The following BET1 variants were observed in gnomAD, a reference collection of about 807,000 sequenced individuals.
The protein encoded by BET1 is Bet1 golgi vesicular membrane trafficking protein, also known as BET1 homolog.
In BET1, 9 loss-of-function variants were observed where a neutral mutation model predicts 13.9. That is an observed-to-expected ratio of 0.65 (90% CI 0.39 to 1.13). The LOEUF is 1.13. Among genes scored for constraint, BET1 ranks in the 50% most tolerant of loss-of-function variants. BET1 has a pLI of 0.01. For synonymous variants in BET1, 39 were observed against 47.3 expected (o/e 0.82, Z 0.72); for missense variants, 127 against 133.6 (o/e 0.95, Z 0.24).
In BET1 at chr7:93,974,055, A is replaced by G. The variant is rs373659409; in HGVS notation, c.*49-1392T>C. On this transcript the variant is annotated intron_variant and NMD_transcript_variant, in intron 5 of 6. Transcript: ENST00000357520. ...TTTTCTTTGTATGCTAGGGTTGAAA[A>G]AAATACATGCATATATTGAAGAAAA... Among the ~76,000 whole-genome samples the G allele has an allele frequency of 3.3e-5, 5 of 152,118 alleles. No homozygotes were observed. In the East Asian group the frequency reaches 9.7e-4, roughly 29 times the overall value.
At chr7:93,963,655 G>A (rs1232806603) in exon 7 of BET1, 1 of 151,858 alleles carries the variant, frequency 6.6e-6, no homozygotes, top group Non-Finnish European at 1.5e-5. Flanking sequence ...AGATATTTTT[G>A]TTCATTTAAG....
intron 4 of BET1, among the ~76,000 whole-genome samples, chr7:93,979,363 A>G (rs1795390631): frequency 6.6e-6 from 1 of 152,290 alleles, no homozygotes; most frequent in Admixed American, 6.5e-5. Flanking sequence ...ATACTTTTGT[A>G]TAAAAGTATA....
At chr7:93,966,631 G>A (rs1795178188) in intron 6 of BET1, among the ~76,000 whole-genome samples, 1 of 151,480 alleles carries the variant, frequency 6.6e-6, no homozygotes, top group African/African-American at 2.4e-5. Flanking sequence ...GGGAGATAGG[G>A]GAATATACTA....
At chr7:93,972,269 C>T (rs553904264) in intron 6 of BET1, 21 of 151,984 alleles carry the variant, frequency 1.4e-4, no homozygotes, top group African/African-American at 5.1e-4. Flanking sequence ...GGCAATGAAA[C>T]CAATATGCAT....
chr7:94,001,233 G>A (rs777974548), intron 1 of BET1, among the ~76,000 whole-genome samples: 1 of 152,118 alleles, frequency 6.6e-6, no homozygotes, highest in Non-Finnish European at 1.5e-5. Flanking sequence ...AACACTGTAT[G>A]TCCCCCCATA....
Position 93,967,141 on chromosome 7 carries a change from A to G in BET1, c.*138-1454T>C, listed in dbSNP as rs929955666. Among the ~76,000 whole-genome samples the G allele has an allele frequency of 3.3e-5, 5 of 151,854 alleles. No homozygotes were observed. In the East Asian group the frequency reaches 7.8e-4, roughly 24 times the overall value. Reference sequence around the variant, plus strand: ...GGAAGAATCATCAGTACAATTGTGTAAGGTACTTTTAATGAATACATATCT... The same window carrying G: ...GGAAGAATCATCAGTACAATTGTGTGAGGTACTTTTAATGAATACATATCT... On this transcript the variant is annotated intron_variant and NMD_transcript_variant, in intron 6 of 6. Transcript: ENST00000357520.
At chr7:93,997,103 A>G (rs1189109750) in intron 2 of BET1, among the ~76,000 whole-genome samples, 1 of 152,150 alleles carries the variant, frequency 6.6e-6, no homozygotes, top group African/African-American at 2.4e-5. Flanking sequence ...TATGACAACT[A>G]TTCAAACCAA....
At chr7:93,966,581 C>T (rs529491102) in intron 6 of BET1, among the ~76,000 whole-genome samples, 9 of 149,872 alleles carry the variant, frequency 6.0e-5, no homozygotes, top group East Asian at 2.0e-4. Flanking sequence ...GAAAGTCTGA[C>T]GGAGGTACCA....
intron 3 of BET1, among the ~76,000 whole-genome samples, chr7:93,994,775 G>A (rs760927280): frequency 1.1e-4 from 17 of 152,178 alleles, no homozygotes; most frequent in Non-Finnish European, 1.0e-4. Flanking sequence ...AGGTCAAATG[G>A]TTGACTGCTA....
At chr7:93,992,972 C>T (rs778625474), downstream of BET1, 36 of 984,968 alleles carry the variant, frequency 3.7e-5, no homozygotes, top group African/African-American at 1.2e-4. Flanking sequence ...CAAATAATGA[C>T]GAATGAAGCC....
At chr7:93,996,464 T>C in intron 2 of BET1, 143 bp from the exon 3 acceptor site, 1 of 552,980 alleles carries the variant, frequency 1.8e-6, no homozygotes, top group Non-Finnish European at 3.1e-6. Flanking sequence ...TCTGATACTT[T>C]TTCTACCAAG....
At chr7:93,967,638 C>A (rs1795195838) in intron 6 of BET1, among the ~76,000 whole-genome samples, 1 of 151,734 alleles carries the variant, frequency 6.6e-6, no homozygotes, top group Non-Finnish European at 1.5e-5. Context: ...ATTAACAATT[C>A]AAAGTGTCTA....
chr7:93,973,807 A>T (rs1795296282), intron 5 of BET1, among the ~76,000 whole-genome samples: 1 of 152,026 alleles, frequency 6.6e-6, no homozygotes, highest in South Asian at 2.1e-4. Flanking sequence ...CAGGCCTGGG[A>T]AGAACCCCAA....
At chr7:93,992,065 T>A (rs1795648422), downstream of BET1, 1 of 985,232 alleles carries the variant, frequency 1.0e-6, no homozygotes. Flanking sequence ...GGCAGAAGGA[T>A]CCCTGGTTGG....
At chr7:93,965,383 A>G (rs1795156875) in exon 7 of BET1, 1 of 152,024 alleles carries the variant, frequency 6.6e-6, no homozygotes, top group South Asian at 2.1e-4. Flanking sequence ...CAGTGGCAAA[A>G]TTGAAAAAAA....
At chr7:93,997,596 G>T (rs75061034) in intron 2 of BET1, among the ~76,000 whole-genome samples, 1 of 152,044 alleles carries the variant, frequency 6.6e-6, no homozygotes, top group East Asian at 1.9e-4. Context: ...AAATCTAAAG[G>T]TCTCCAGACT....
intron 2 of BET1, among the ~76,000 whole-genome samples, chr7:93,997,252 A>G (rs1795791959): frequency 6.6e-6 from 1 of 152,194 alleles, no homozygotes; most frequent in Non-Finnish European, 1.5e-5. Flanking sequence ...ACATGGGATA[A>G]TACTGATACA....
downstream of BET1, chr7:93,991,833 A>T (rs183849465): frequency 5.0e-4 from 484 of 964,022 alleles, 4 homozygotes; most frequent in African/African-American, 8.1e-3. Flanking sequence ...ATTATTTATT[A>T]TTTATTGACT....
In BET1 at chr7:93,999,151, A is replaced by C; in HGVS notation, c.144+19T>G. The C allele has an allele frequency of 1.3e-6, 2 of 1,552,440 alleles. No individual in the cohort carries two copies. Among genetic ancestry groups the C allele is most frequent in the Non-Finnish European group, 1.8e-6 (2 of 1,135,354 alleles). On this transcript the variant is annotated intron_variant, in intron 2 of 3. Coordinates refer to ENST00000222547, the MANE Select transcript of BET1 (RefSeq NM_005868.6). ...AAATATATGAATTAAAACACATATA[A>C]TATTTGTTATATACTTACAGATTTT...
Sources: gnomAD v4.1 joint callset for allele counts (sites outside exome capture counted in the v4.1 genomes callset) on GRCh38, gnomAD v4.1.1 for gene constraint, MANE v1.5 for transcripts, NCBI Gene and HGNC (gene_info 2026-07-23, HGNC 2026-07-21) for gene names.